Variants in PRKG1 observed in about 807,000 individuals in gnomAD.
PRKG1 encodes the protein cGMP-dependent protein kinase 1.
PRKG1 carries 35 observed loss-of-function variants against 88.1 expected under a neutral mutation model. The observed-to-expected ratio is 0.40, with a 90% confidence interval of 0.30 to 0.53. The LOEUF (loss-of-function observed/expected upper bound fraction) is 0.53. Ranked by LOEUF, PRKG1 falls within the 20% of genes least tolerant of loss-of-function variation. PRKG1 has a pLI of 0.59. For synonymous variants in PRKG1, 303 were observed against 292.5 expected (o/e 1.04, Z -0.37); for missense variants, 540 against 839.8 (o/e 0.64, Z 4.41).
chr10:51,813,254 A>C (rs1157805667), intron 4 of PRKG1, among the ~76,000 whole-genome samples: 1 of 152,232 alleles, frequency 6.6e-6, no homozygotes, highest in African/African-American at 2.4e-5. Context: ...AAAGCATAAA[A>C]TGATGTATGA....
Position 51,195,219 on chromosome 10 carries a change from T to C in PRKG1, c.478+41889T>C, listed in dbSNP as rs1472986125. On this transcript the variant is annotated intron_variant, in intron 2 of 17. Coordinates refer to ENST00000373980, the MANE Select transcript of PRKG1 (RefSeq NM_006258.4). ...GATTCTTAGGCTGATTAGCCACTGA[T>C]GAGGACATCTTATTCATCAATTTAT... is the stretch of plus-strand genomic sequence containing the variant. Among the ~76,000 whole-genome samples, 3 of 152,234 alleles carry C rather than the reference T, an allele frequency of 2.0e-5. No individual in the cohort carries two copies. The East Asian group carries it at 5.8e-4, about 29-fold the overall frequency.
intron 7 of PRKG1, among the ~76,000 whole-genome samples, chr10:52,117,957 A>T (rs904827821): frequency 2.6e-5 from 4 of 152,074 alleles, no homozygotes; most frequent in Admixed American, 2.6e-4. Flanking sequence ...TTGTACAAAA[A>T]ATGTATTTTA....
At chr10:50,992,448 C>A (rs754807649) in intron 1 of PRKG1, among the ~76,000 whole-genome samples, 9 of 152,180 alleles carry the variant, frequency 5.9e-5, no homozygotes, top group Non-Finnish European at 1.3e-4. Context: ...AGATTTGAGG[C>A]TGCTCGTCAG....
At chr10:51,602,563 C>T (rs770103652) in intron 3 of PRKG1, among the ~76,000 whole-genome samples, 1 of 151,808 alleles carries the variant, frequency 6.6e-6, no homozygotes, top group Non-Finnish European at 1.5e-5. Context: ...GTAGCTGGAA[C>T]CATGCCTGGC....
At chr10:51,989,618 A>G (rs76573637) in intron 5 of PRKG1, among the ~76,000 whole-genome samples, 15,784 of 151,850 alleles carry the variant, frequency 0.1, 994 homozygotes, top group South Asian at 0.25. Flanking sequence ...AAAAATTATG[A>G]AGAGAATATT....
At chr10:51,235,509 G>T (rs113865429) in intron 2 of PRKG1, among the ~76,000 whole-genome samples, 1 of 152,142 alleles carries the variant, frequency 6.6e-6, no homozygotes, top group African/African-American at 2.4e-5. Context: ...AAGTTCTTTT[G>T]GTTTTTGTCA....
At chr10:52,224,876 C>T (rs375252150) in intron 9 of PRKG1, among the ~76,000 whole-genome samples, 2 of 144,860 alleles carry the variant, frequency 1.4e-5, no homozygotes, top group South Asian at 2.3e-4. Context: ...TCTTTATCCA[C>T]TCATTGATTG....
At chr10:51,069,329 T>C (rs1026831899) in intron 1 of PRKG1, among the ~76,000 whole-genome samples, 8 of 151,972 alleles carry the variant, frequency 5.3e-5, no homozygotes, top group Non-Finnish European at 8.8e-5. Flanking sequence ...TTTACTTATA[T>C]CCATGTAAAT....
rs1395854243 is a variant in PRKG1 at position 52,298,199 on chromosome 10, T to TG, written c.*4299_*4300insG. ...AATGCAACAAACTGTCATCAAATGG[T>TG]CATTGACCACTTGCACTCTTTTGAT... On this transcript the variant is annotated 3_prime_UTR_variant, in exon 18 of 18. Transcript: ENST00000373980. 6.6e-6 allele frequency: 1 copy of TG among 152,036 alleles called. No homozygotes were observed. Among genetic ancestry groups the TG allele is most frequent in the African/African-American group, 2.4e-5 (1 of 41,402 alleles). The allele number at this position is 152,036 out of a possible 1,614,324, so 9.4% of individuals were successfully genotyped here.
At chr10:51,543,827 T>A (rs1442637065) in intron 3 of PRKG1, among the ~76,000 whole-genome samples, 1 of 152,114 alleles carries the variant, frequency 6.6e-6, no homozygotes, top group African/African-American at 2.4e-5. Flanking sequence ...GTCCTTCAAA[T>A]CAAAGCTGAC....
At chr10:52,114,381 G>A (rs77884003) in intron 7 of PRKG1, among the ~76,000 whole-genome samples, 23,953 of 151,964 alleles carry the variant, frequency 0.16, 2,481 homozygotes, top group South Asian at 0.28. Flanking sequence ...TTTCTGTCAA[G>A]AGACAGATAG....
chr10:52,279,799 G>A (rs7083967), intron 12 of PRKG1, among the ~76,000 whole-genome samples: 73,381 of 151,414 alleles, frequency 0.48, 19,398 homozygotes, highest in Non-Finnish European at 0.61. Context: ...CACCTCAGGC[G>A]CTGATGTTCA....
At chr10:51,232,453 C>T (rs1199266150) in intron 2 of PRKG1, among the ~76,000 whole-genome samples, 1 of 152,042 alleles carries the variant, frequency 6.6e-6, no homozygotes, top group African/African-American at 2.4e-5. Flanking sequence ...AAATGGGACG[C>T]TTGATGGTGA....
chr10:52,004,034 TAG>T (rs1844666648), intron 5 of PRKG1, among the ~76,000 whole-genome samples: 1 of 152,224 alleles, frequency 6.6e-6, no homozygotes, highest in African/African-American at 2.4e-5. Context: ...ATATAATGTT[TAG>T]TATAGCTTTT....
chr10:51,445,973 T>G (rs1430920747), intron 2 of PRKG1, among the ~76,000 whole-genome samples: 1 of 151,962 alleles, frequency 6.6e-6, no homozygotes, highest in East Asian at 1.9e-4. Flanking sequence ...GCTGGATGCT[T>G]GAAAGTGGGG....
At chr10:51,806,682 C>A (rs915817224) in intron 4 of PRKG1, among the ~76,000 whole-genome samples, 6 of 152,148 alleles carry the variant, frequency 3.9e-5, no homozygotes, top group African/African-American at 7.2e-5. Flanking sequence ...CAACTGTGAC[C>A]AACTGGTTCT....
intron 3 of PRKG1, among the ~76,000 whole-genome samples, chr10:51,727,865 G>A (rs1274711193): frequency 6.6e-6 from 1 of 152,134 alleles, no homozygotes. Flanking sequence ...CATTGATACA[G>A]TGGCCCAATT....
At chr10:51,010,988 G>T (rs1201635164) in intron 1 of PRKG1, among the ~76,000 whole-genome samples, 2 of 152,196 alleles carry the variant, frequency 1.3e-5, no homozygotes, top group African/African-American at 4.8e-5. Context: ...GCTGGTGAGA[G>T]ATTTGAAGGC....
intron 3 of PRKG1, among the ~76,000 whole-genome samples, chr10:51,653,966 A>G (rs1250906752): frequency 6.6e-6 from 1 of 152,098 alleles, no homozygotes; most frequent in Non-Finnish European, 1.5e-5. Context: ...TATAGTTTGC[A>G]ATTATTTTCT....
Sources: gnomAD v4.1 joint callset for allele counts (sites outside exome capture counted in the v4.1 genomes callset) on GRCh38, gnomAD v4.1.1 for gene constraint, MANE v1.5 for transcripts, NCBI Gene and HGNC (gene_info 2026-07-23, HGNC 2026-07-21) for gene names.